The following SLC25A48 variants were observed in gnomAD, a reference collection of about 807,000 sequenced individuals.
SLC25A48 encodes the protein CTC-321K16.1.
In SLC25A48, 29 loss-of-function variants were observed where a neutral mutation model predicts 32.2. That is an observed-to-expected ratio of 0.90 (90% CI 0.67 to 1.23). The LOEUF is 1.23. Ranked by LOEUF, SLC25A48 falls within the 50% of genes most tolerant of loss-of-function variation. The pLI is 0.00. For synonymous variants in SLC25A48, 164 were observed against 172.3 expected (o/e 0.95, Z 0.38); for missense variants, 399 against 422.7 (o/e 0.94, Z 0.49).
intron 7 of SLC25A48, among the ~76,000 whole-genome samples, chr5:135,881,811 T>C (rs1019349101): frequency 2.6e-5 from 4 of 152,252 alleles, no homozygotes; most frequent in African/African-American, 7.2e-5. Flanking sequence ...GTATGTCTTA[T>C]GTGTATTTTC....
chr5:135,721,853 C>G (rs1367558217), intron 3 of SLC25A48, among the ~76,000 whole-genome samples: 1 of 152,188 alleles, frequency 6.6e-6, no homozygotes, highest in African/African-American at 2.4e-5. Context: ...TGGCCACAGC[C>G]CAAGAAGGAT....
At chr5:135,874,493 C>T (rs901719837) in intron 6 of SLC25A48, among the ~76,000 whole-genome samples, 4 of 152,198 alleles carry the variant, frequency 2.6e-5, no homozygotes, top group African/African-American at 9.7e-5. Context: ...GCAGCCCTTC[C>T]TCACTCATGG....
chr5:135,770,342 T>C (rs921406899), intron 3 of SLC25A48, among the ~76,000 whole-genome samples: 1 of 151,100 alleles, frequency 6.6e-6, no homozygotes, highest in African/African-American at 2.4e-5. Flanking sequence ...ACTCCCAATA[T>C]CGCAGAGGTA....
At chr5:135,852,936 C>A in intron 4 of SLC25A48, 115 bp downstream of exon 4, 1 of 1,367,278 alleles carries the variant, frequency 7.3e-7, no homozygotes, top group Non-Finnish European at 9.8e-7. Flanking sequence ...TCTACCTTGT[C>A]ACCTAGTAGT....
intron 3 of SLC25A48, among the ~76,000 whole-genome samples, chr5:135,763,790 C>CACACACACACACGA (rs1554072856): frequency 6.6e-6 from 1 of 151,198 alleles, no homozygotes; most frequent in African/African-American, 2.4e-5. Context: ...CACACACACA[C>CACACACACACACGA]GAGAGAGAGA....
rs148750184 is a variant in SLC25A48, at chr5:135,793,744, T to C, written c.-520-18779T>C. Among the ~76,000 whole-genome samples the C allele has an allele frequency of 9.1e-4, 139 of 152,022 alleles. 2 individuals carry two copies. The East Asian group carries it at 0.025, about 27-fold the overall frequency. On this transcript the variant is annotated intron_variant, in intron 3 of 10. Coordinates refer to the SLC25A48 transcript ENST00000646290. The stretch of plus-strand genomic sequence containing the variant: ...CTAATATCACAATAGGTGTTCACCA[T>C]TTTTGTACACCCTGGAATATTATTT...
intron 3 of SLC25A48, among the ~76,000 whole-genome samples, chr5:135,681,914 T>G (rs1753907183): frequency 6.6e-6 from 1 of 152,146 alleles, no homozygotes; most frequent in Non-Finnish European, 1.5e-5. Flanking sequence ...TGGCTCTACA[T>G]GATGATTGAT....
chr5:135,818,601 A>G (rs1757796291), intron 4 of SLC25A48, among the ~76,000 whole-genome samples: 1 of 152,208 alleles, frequency 6.6e-6, no homozygotes, highest in African/African-American at 2.4e-5. Context: ...TGATAAAGCT[A>G]AAACATCAGC....
At chr5:135,879,578 C>T (rs1029209005) in intron 6 of SLC25A48, among the ~76,000 whole-genome samples, 8 of 147,142 alleles carry the variant, frequency 5.4e-5, no homozygotes, top group African/African-American at 2.1e-4. Flanking sequence ...CTTCTAGATT[C>T]CCGAGGAGAG....
chr5:135,767,195 C>CA (rs920396718), intron 3 of SLC25A48, among the ~76,000 whole-genome samples: 1 of 150,966 alleles, frequency 6.6e-6, no homozygotes, highest in Non-Finnish European at 1.5e-5. Flanking sequence ...ACACCCCCCC[C>CA]CCGTGATATG....
chr5:135,638,406 T>TG (rs57217907), intron 3 of SLC25A48, among the ~76,000 whole-genome samples: 114,804 of 151,934 alleles, frequency 0.76, 43,903 homozygotes, highest in East Asian at 1. Context: ...ATTTGGTAGG[T>TG]GGGGGAGGGG....
chr5:135,766,733 A>G (rs912964829), intron 3 of SLC25A48, among the ~76,000 whole-genome samples: 5 of 150,748 alleles, frequency 3.3e-5, no homozygotes, highest in Non-Finnish European at 5.9e-5. Context: ...ATTACTCCTC[A>G]TATCCCCAGG....
intron 1 of SLC25A48, among the ~76,000 whole-genome samples, chr5:135,586,826 C>G: frequency 6.6e-6 from 1 of 152,078 alleles, no homozygotes; most frequent in East Asian, 1.9e-4. Context: ...GGGTCCTGGG[C>G]AGCTGAGGAG....
chr5:135,874,607 C>T (rs1761909156), intron 6 of SLC25A48: 1 of 667,634 alleles, frequency 1.5e-6, no homozygotes, highest in South Asian at 1.6e-5. Context: ...GCCCTGTGAA[C>T]TGCCTTCTGC....
intron 3 of SLC25A48, among the ~76,000 whole-genome samples, chr5:135,764,689 A>G (rs1157597523): frequency 1.4e-5 from 2 of 146,424 alleles, no homozygotes; most frequent in African/African-American, 5.1e-5. Context: ...CCACCCTGTG[A>G]TACAATTCAT....
chr5:135,639,310 C>A (rs1308546954), intron 3 of SLC25A48, among the ~76,000 whole-genome samples: 1 of 152,184 alleles, frequency 6.6e-6, no homozygotes, highest in Non-Finnish European at 1.5e-5. Context: ...AGTCTCACAG[C>A]TCTTATGTGT....
rs1262190477 is a variant in SLC25A48, at chr5:135,783,002, C to T, written c.-520-29521C>T. On this transcript the variant is annotated intron_variant, in intron 3 of 10. Transcript: ENST00000646290. ...CCAGGGGGGGAGAATGATATTATTTCCAATATCACAGGGTGTTTACACCCC... is the reference window on the plus strand; with the variant it reads ...CCAGGGGGGGAGAATGATATTATTTTCAATATCACAGGGTGTTTACACCCC... Among the ~76,000 whole-genome samples the T allele has an allele frequency of 3.5e-5, 4 of 113,492 alleles. 2 individuals carry two copies. Among genetic ancestry groups the T allele is most frequent in the Non-Finnish European group, 8.7e-5 (4 of 45,794 alleles). The allele number at this position is 113,492 out of a possible 152,430, so 74.5% of individuals were successfully genotyped here.
chr5:135,736,544 T>C lies in SLC25A48; in HGVS notation c.-520-75979T>C, dbSNP rs1401848338. ...GAGAGTGGAGACATGGAGAGAAGGA[T>C]TGGGGAGTGCTTGCCCCTAAGAAAA... On this transcript the variant is annotated intron_variant, in intron 3 of 10. Coordinates refer to the SLC25A48 transcript ENST00000646290. Among the ~76,000 whole-genome samples the C allele has an allele frequency of 4.0e-5, 6 of 151,634 alleles. No individual in the cohort carries two copies. The East Asian group carries it at 5.9e-4, about 15-fold the overall frequency.
chr5:135,874,281 G>T, intron 6 of SLC25A48, 127 bp downstream of exon 6: 1 of 1,164,472 alleles, frequency 8.6e-7, no homozygotes, highest in Non-Finnish European at 1.1e-6. Flanking sequence ...TATGTATCAG[G>T]TGCCACAAGT....
Sources: allele counts gnomAD v4.1 joint callset (sites outside exome capture counted in the v4.1 genomes callset), GRCh38; gene constraint gnomAD v4.1.1; transcripts MANE v1.5; gene names NCBI Gene and HGNC (gene_info 2026-07-23, HGNC 2026-07-21).